The following PRDM11 variants were observed in gnomAD, a reference collection of about 807,000 sequenced individuals.
The protein encoded by PRDM11 is PR/SET domain 11.
PRDM11 carries 20 observed loss-of-function variants against 97.8 expected under a neutral mutation model. The observed-to-expected ratio is 0.20, with a 90% CI of 0.14 to 0.30. The LOEUF is 0.30. Among genes scored for constraint, PRDM11 ranks in the 10% least tolerant of loss-of-function variants. PRDM11 has a pLI of 1.00. For synonymous variants in PRDM11, 599 were observed against 637.7 expected (o/e 0.94, Z 0.91); for missense variants, 1,139 against 1,555.2 (o/e 0.73, Z 4.50).
At chr11:45,212,364 G>A in intron 5 of PRDM11, 1 of 343,872 alleles carries the variant, frequency 2.9e-6, no homozygotes, top group African/African-American at 2.2e-5. Flanking sequence ...CAGGGTGGCA[G>A]GGCAGGGGGA....
intron 1 of PRDM11, among the ~76,000 whole-genome samples, chr11:45,131,715 A>G (rs930855118): frequency 2.0e-5 from 3 of 152,238 alleles, no homozygotes; most frequent in Non-Finnish European, 2.9e-5. Flanking sequence ...GAAATGAAAG[A>G]GCATGCTCAA....
chr11:45,173,088 G>A (rs1590404178), intron 1 of PRDM11, among the ~76,000 whole-genome samples: 1 of 152,302 alleles, frequency 6.6e-6, no homozygotes, highest in Non-Finnish European at 1.5e-5. Context: ...GTCATGTGCT[G>A]ATTAAAGGCC....
intron 1 of PRDM11, among the ~76,000 whole-genome samples, chr11:45,165,498 C>T (rs1327888638): frequency 2.0e-5 from 3 of 152,220 alleles, no homozygotes; most frequent in Non-Finnish European, 2.9e-5. Context: ...GTCTCTGCCA[C>T]GCAGGCCGCA....
At chr11:45,118,258 A>G (rs11038305) in intron 1 of PRDM11, among the ~76,000 whole-genome samples, 126,401 of 152,204 alleles carry the variant, frequency 0.83, 53,344 homozygotes, top group Middle Eastern at 0.88. Context: ...TGAAACCTAA[A>G]GAAATATGAA....
intron 1 of PRDM11, among the ~76,000 whole-genome samples, chr11:45,128,790 C>A (rs1393885206): frequency 3.3e-5 from 5 of 151,956 alleles, no homozygotes; most frequent in African/African-American, 1.2e-4. Flanking sequence ...TAAAAAACAC[C>A]TCCAAACTTG....
At chr11:45,101,172 A>G (rs1346697104) in intron 1 of PRDM11, among the ~76,000 whole-genome samples, 2 of 152,168 alleles carry the variant, frequency 1.3e-5, no homozygotes, top group African/African-American at 4.8e-5. Context: ...GGAGAGAGCT[A>G]AGGAGAACTT....
chr11:45,216,502 A>T (rs1853962056), intron 5 of PRDM11, among the ~76,000 whole-genome samples: 1 of 152,196 alleles, frequency 6.6e-6, no homozygotes, highest in Non-Finnish European at 1.5e-5. Context: ...AGCAGGTGTT[A>T]AGGCAAAACA....
intron 1 of PRDM11, among the ~76,000 whole-genome samples, chr11:45,118,197 T>A (rs192959674): frequency 4.2e-4 from 64 of 152,276 alleles, no homozygotes; most frequent in Admixed American, 3.3e-3. Flanking sequence ...CAATGTGGTA[T>A]CCTGGATAAA....
chr11:45,095,039 G>T (rs972774951), upstream of PRDM11, among the ~76,000 whole-genome samples: 122 of 152,252 alleles, frequency 8.0e-4, no homozygotes, highest in African/African-American at 2.7e-3. Flanking sequence ...GCAGGGAACT[G>T]GGCCGGCTGG....
chr11:45,184,016 G>T (rs72907095), intron 4 of PRDM11, among the ~76,000 whole-genome samples: 13,563 of 152,280 alleles, frequency 0.089, 849 homozygotes, highest in Non-Finnish European at 0.13. Flanking sequence ...CAGTGAGACT[G>T]GGAAAAAGTG....
At chr11:45,101,567 A>AAAAG (rs767802218) in intron 1 of PRDM11, among the ~76,000 whole-genome samples, 2,236 of 96,824 alleles carry the variant, frequency 0.023, 292 homozygotes, top group African/African-American at 0.1. Flanking sequence ...AAAAAAAAAA[A>AAAAG]AAGAAGAAGA....
intron 1 of PRDM11, among the ~76,000 whole-genome samples, chr11:45,168,629 A>G (rs1332063847): frequency 6.6e-6 from 1 of 152,168 alleles, no homozygotes; most frequent in Non-Finnish European, 1.5e-5. Context: ...TTGGAATCCC[A>G]GCCCTGCCCA....
rs551883939 is a variant in PRDM11 at position 45,152,110 on chromosome 11, C to A, written c.-7+5233C>A. Reference sequence around the variant, plus strand: ...TGAGACAGGGTCTTACTCTGTCACCCAAGCTAGAATGCAGTTGCATGATCT... The same window carrying A: ...TGAGACAGGGTCTTACTCTGTCACCAAAGCTAGAATGCAGTTGCATGATCT... On this transcript the variant is annotated intron_variant, in intron 1 of 7. Transcript: ENST00000683152. Among the ~76,000 whole-genome samples, 7 of 152,256 alleles carry A rather than the reference C, an allele frequency of 4.6e-5. No homozygotes were observed. In the South Asian group the frequency reaches 1.5e-3, roughly 32 times the overall value.
At chr11:45,158,825 G>A (rs976411713) in intron 1 of PRDM11, among the ~76,000 whole-genome samples, 1 of 152,004 alleles carries the variant, frequency 6.6e-6, no homozygotes, top group Non-Finnish European at 1.5e-5. Flanking sequence ...CAGACACCCT[G>A]AGCCTGTTGT....
intron 5 of PRDM11, chr11:45,213,007 G>T: frequency 2.5e-6 from 1 of 404,974 alleles, no homozygotes; most frequent in South Asian, 1.8e-5. Flanking sequence ...CCCCCACACG[G>T]ACTACCAGGT....
chr11:45,115,682 C>A (rs1852285140), intron 1 of PRDM11, among the ~76,000 whole-genome samples: 1 of 152,088 alleles, frequency 6.6e-6, no homozygotes, highest in Non-Finnish European at 1.5e-5. Context: ...ATAATCCCAG[C>A]ACTTTGGGAG....
chr11:45,143,037 C>T (rs1205613350), upstream of PRDM11, among the ~76,000 whole-genome samples: 2 of 152,170 alleles, frequency 1.3e-5, no homozygotes, highest in African/African-American at 4.8e-5. Flanking sequence ...TTCCTGGCAA[C>T]CCGTGCAAGA....
intron 1 of PRDM11, among the ~76,000 whole-genome samples, chr11:45,113,786 ATT>A (rs1408974233): frequency 1.9e-4 from 15 of 80,538 alleles, no homozygotes; most frequent in Non-Finnish European, 3.6e-4. Flanking sequence ...AGTGCTACTG[ATT>A]TGTGTGTGTG....
intron 4 of PRDM11, among the ~76,000 whole-genome samples, chr11:45,201,694 G>A (rs1006460924): frequency 2.6e-5 from 4 of 152,090 alleles, no homozygotes; most frequent in East Asian, 1.9e-4. Context: ...GAGGCTGGGC[G>A]CAGTGGCTCA....
Sources: gnomAD v4.1 joint callset for allele counts (sites outside exome capture counted in the v4.1 genomes callset) on GRCh38, gnomAD v4.1.1 for gene constraint, MANE v1.5 for transcripts, NCBI Gene and HGNC (gene_info 2026-07-23, HGNC 2026-07-21) for gene names.